Variants in EYS observed in about 807,000 individuals in gnomAD.
The protein encoded by EYS is protein eyes shut homolog.
Under a neutral mutation model 282.1 loss-of-function variants are expected in EYS, and 250 were observed. The observed-to-expected ratio is 0.89, with a 90% CI of 0.80 to 0.98. The LOEUF (loss-of-function observed/expected upper bound fraction) is 0.98, where lower values mean the gene tolerates loss of function less well. EYS is among the 50% of genes least tolerant of loss of function. EYS has a pLI of 0.00. For synonymous variants in EYS, 1,355 were observed against 1,282.9 expected (o/e 1.06, Z -1.20); for missense variants, 4,016 against 3,709.0 (o/e 1.08, Z -2.15).
intron 22 of EYS, among the ~76,000 whole-genome samples, chr6:64,655,814 A>G (rs1768724690): frequency 6.6e-6 from 1 of 152,164 alleles, no homozygotes; most frequent in Non-Finnish European, 1.5e-5. Flanking sequence ...ATGGTCCATA[A>G]TGAATAGTAT....
chr6:65,446,218 A>T (rs2150398066), intron 5 of EYS, among the ~76,000 whole-genome samples: 1 of 151,978 alleles, frequency 6.6e-6, no homozygotes, highest in Admixed American at 6.6e-5. Context: ...TAATAAACAC[A>T]GAAACAGTAG....
At chr6:64,177,280 A>G (rs186613116) in intron 31 of EYS, among the ~76,000 whole-genome samples, 19 of 150,782 alleles carry the variant, frequency 1.3e-4, no homozygotes, top group Non-Finnish European at 5.9e-5. Flanking sequence ...TTTATTTTCT[A>G]TTCATTTTCA....
chr6:65,343,143 T>C (rs1458101530), intron 10 of EYS, among the ~76,000 whole-genome samples: 2 of 151,254 alleles, frequency 1.3e-5, no homozygotes, highest in African/African-American at 2.4e-5. Flanking sequence ...AGATGTTCTG[T>C]GGTATTTGAA....
At chr6:65,290,334 C>T (rs1192037921) in intron 12 of EYS, among the ~76,000 whole-genome samples, 1 of 150,606 alleles carries the variant, frequency 6.6e-6, no homozygotes, top group Non-Finnish European at 1.5e-5. Flanking sequence ...CAATGATATG[C>T]AGAAAAGTCT....
chr6:64,864,382 C>CTTTTTTTTTTTTTT (rs1562231995), intron 19 of EYS, among the ~76,000 whole-genome samples: 9 of 40,078 alleles, frequency 2.2e-4, no homozygotes, highest in African/African-American at 5.9e-4. Context: ...GGTGCTATAC[C>CTTTTTTTTTTTTTT]TTCTTTTTTT....
chr6:65,309,204 CA>C (rs145853307), intron 11 of EYS, among the ~76,000 whole-genome samples: 26,802 of 152,088 alleles, frequency 0.18, 2,634 homozygotes, highest in Non-Finnish European at 0.22. Context: ...ATGGTTCCAT[CA>C]AGACAGTTTT....
chr6:65,106,590 T>C (rs1561968657), intron 12 of EYS, among the ~76,000 whole-genome samples: 1 of 152,088 alleles, frequency 6.6e-6, no homozygotes, highest in South Asian at 2.1e-4. Flanking sequence ...TTATCTGTTA[T>C]GTTTTCCTGA....
chr6:64,287,267 CAT>C (rs1204755659), intron 30 of EYS, among the ~76,000 whole-genome samples: 5 of 152,190 alleles, frequency 3.3e-5, no homozygotes, highest in South Asian at 2.1e-4. Context: ...AAATAATTCA[CAT>C]ATGATTCAGA....
chr6:64,561,860 T>C (rs901853214), intron 26 of EYS, among the ~76,000 whole-genome samples: 4 of 146,936 alleles, frequency 2.7e-5, no homozygotes, highest in African/African-American at 1.0e-4. Flanking sequence ...TTTAATACTA[T>C]GACTATCAAA....
chr6:64,400,777 T>C (rs905167156), intron 28 of EYS, among the ~76,000 whole-genome samples: 2 of 152,096 alleles, frequency 1.3e-5, no homozygotes, highest in Non-Finnish European at 2.9e-5. Flanking sequence ...ATGAGCAGAA[T>C]AGTTTTTCTT....
chr6:65,033,496 C>T (rs971960516), intron 13 of EYS, among the ~76,000 whole-genome samples: 2 of 152,088 alleles, frequency 1.3e-5, no homozygotes, highest in African/African-American at 4.8e-5. Context: ...GAAGTTGCTC[C>T]CCATGTTCTG....
intron 7 of EYS, among the ~76,000 whole-genome samples, chr6:65,384,915 G>C (rs955450928): frequency 3.3e-5 from 5 of 151,884 alleles, no homozygotes; most frequent in African/African-American, 1.2e-4. Flanking sequence ...ACAGGATAGA[G>C]TGCCAGTGGA....
At chr6:65,637,320 T>G (rs1582549532) in intron 2 of EYS, among the ~76,000 whole-genome samples, 1 of 152,212 alleles carries the variant, frequency 6.6e-6, no homozygotes, top group East Asian at 1.9e-4. Context: ...AAACTCAAAT[T>G]TATTATATTT....
intron 12 of EYS, among the ~76,000 whole-genome samples, chr6:65,185,936 T>G (rs1352916801): frequency 6.6e-6 from 1 of 151,724 alleles, no homozygotes; most frequent in Non-Finnish European, 1.5e-5. Context: ...TCTTTAGAAA[T>G]GAATATTTAA....
At chr6:63,894,509 C>T (rs1773484820) in intron 35 of EYS, among the ~76,000 whole-genome samples, 1 of 152,072 alleles carries the variant, frequency 6.6e-6, no homozygotes, top group Non-Finnish European at 1.5e-5. Flanking sequence ...ATGGCTCTGG[C>T]AACACCTTTT....
At chr6:65,060,340 C>T (rs1773532415) in intron 12 of EYS, among the ~76,000 whole-genome samples, 3 of 151,680 alleles carry the variant, frequency 2.0e-5, no homozygotes, top group Admixed American at 2.0e-4. Flanking sequence ...TACGTATACA[C>T]CCATAGGGAA....
intron 31 of EYS, among the ~76,000 whole-genome samples, chr6:64,161,417 C>T (rs962185626): frequency 6.6e-6 from 1 of 152,128 alleles, no homozygotes; most frequent in Non-Finnish European, 1.5e-5. Flanking sequence ...AGGTAATAAA[C>T]AAATTAAGAT....
chr6:64,077,334 G>T (rs1179885704), intron 32 of EYS, among the ~76,000 whole-genome samples: 3 of 151,996 alleles, frequency 2.0e-5, no homozygotes, highest in Admixed American at 2.0e-4. Flanking sequence ...ATGAAATATG[G>T]TAAGTGTCTA....
At chr6:65,220,293 A>G (rs1582031703) in intron 12 of EYS, among the ~76,000 whole-genome samples, 1 of 152,180 alleles carries the variant, frequency 6.6e-6, no homozygotes, top group Non-Finnish European at 1.5e-5. Flanking sequence ...TTTACCATGT[A>G]CCTACCATGC....
Sources: allele counts gnomAD v4.1 joint callset (sites outside exome capture counted in the v4.1 genomes callset), GRCh38; gene constraint gnomAD v4.1.1; transcripts MANE v1.5; gene names NCBI Gene and HGNC (gene_info 2026-07-23, HGNC 2026-07-21).